ACBD3: variants seen among roughly 807,000 people sequenced by gnomAD.
ACBD3 encodes Golgi resident protein GCP60.
In ACBD3, 30 loss-of-function variants were observed where a neutral mutation model predicts 66.9. That is an observed-to-expected ratio of 0.45 (90% confidence interval 0.34 to 0.61). The LOEUF (loss-of-function observed/expected upper bound fraction) is 0.61, where lower values mean the gene tolerates loss of function less well. Among genes scored for constraint, ACBD3 ranks in the 20% least tolerant of loss-of-function variants. The pLI, the probability that ACBD3 is intolerant of heterozygous loss-of-function variation, is 0.02. For missense variants in ACBD3, 544 were observed against 664.5 expected, an observed-to-expected ratio of 0.82 and a Z score of 1.99; for synonymous variants, 278 against 259.8, an observed-to-expected ratio of 1.07 and a Z score of -0.68.
chr1:226,154,429 C>A (rs1659634194), intron 6 of ACBD3, among the ~76,000 whole-genome samples: 1 of 152,004 alleles, frequency 6.6e-6, no homozygotes, highest in Non-Finnish European at 1.5e-5. Context: ...CAAAACATAA[C>A]TTTTGTCTTA....
At position 226,173,757 on chromosome 1, in the gene ACBD3, CT is replaced by C. The variant is rs145462202; in HGVS notation, c.287-7758del. On this transcript the variant is annotated intron_variant, in intron 1 of 7. Transcript: ENST00000366812. ...TAATTTTCTTCTTTTTTTTTCTTTT[CT>C]TTTTTTTTTTTTTTTTTTTTGAGAC... is the stretch of plus-strand genomic sequence containing the variant. Among the ~76,000 whole-genome samples the C allele has an allele frequency of 2.5e-3, 225 of 88,310 alleles. No homozygotes were observed. The East Asian group carries it at 0.031, about 12-fold the overall frequency. The allele number at this position is 88,310 out of a possible 152,430, so 57.9% of individuals were successfully genotyped here. A position where few individuals can be genotyped will look rare whatever the true frequency, so the allele number is the denominator to read the frequency against.
At chr1:226,161,911 G>C (rs995717855) in intron 3 of ACBD3, among the ~76,000 whole-genome samples, 8 of 152,298 alleles carry the variant, frequency 5.3e-5, no homozygotes, top group Admixed American at 3.3e-4. Context: ...CAACAGAAAT[G>C]TGTCCATCAT....
At chr1:226,149,854 T>C (rs1454924539) in intron 7 of ACBD3, among the ~76,000 whole-genome samples, 1 of 151,914 alleles carries the variant, frequency 6.6e-6, no homozygotes, top group Non-Finnish European at 1.5e-5. Flanking sequence ...ACAAAGCTCT[T>C]TGTAAGTACA....
chr1:226,182,694 C>T (rs1346587449), intron 1 of ACBD3, among the ~76,000 whole-genome samples: 3 of 152,158 alleles, frequency 2.0e-5, no homozygotes, highest in Non-Finnish European at 4.4e-5. Context: ...CATCAAACTG[C>T]TTTCTATTTT....
chr1:226,174,695 G>A (rs1186246107), intron 1 of ACBD3, among the ~76,000 whole-genome samples: 1 of 152,180 alleles, frequency 6.6e-6, no homozygotes, highest in Non-Finnish European at 1.5e-5. Context: ...GAACCCGGGA[G>A]GCAGACGTTG....
intron 1 of ACBD3, among the ~76,000 whole-genome samples, chr1:226,185,916 G>A (rs975036675): frequency 3.3e-5 from 5 of 152,154 alleles, no homozygotes; most frequent in African/African-American, 1.2e-4. Context: ...TCCCAAGAAT[G>A]GCTGGAAAAG....
At chr1:226,148,277 C>A (rs1659497084) in intron 7 of ACBD3, among the ~76,000 whole-genome samples, 1 of 152,192 alleles carries the variant, frequency 6.6e-6, no homozygotes, top group Non-Finnish European at 1.5e-5. Context: ...AAGATGCTAA[C>A]AACAGAGGGA....
At chr1:226,175,268 CAAG>C (rs376446147) in intron 1 of ACBD3, among the ~76,000 whole-genome samples, 110 of 152,038 alleles carry the variant, frequency 7.2e-4, no homozygotes, top group African/African-American at 2.5e-3. Flanking sequence ...ACTCTTTTCA[CAAG>C]AAGATATTAA....
chr1:226,154,440 A>G (rs1233491620), intron 6 of ACBD3, among the ~76,000 whole-genome samples: 3 of 152,162 alleles, frequency 2.0e-5, no homozygotes, highest in African/African-American at 7.2e-5. Flanking sequence ...TTTTGTCTTA[A>G]AAGTGTCCAA....
chr1:226,163,554 T>C (rs979116695), intron 3 of ACBD3, among the ~76,000 whole-genome samples: 5 of 152,166 alleles, frequency 3.3e-5, no homozygotes, highest in African/African-American at 1.2e-4. Flanking sequence ...TCAAGCAATT[T>C]CCTATTATCT....
chr1:226,176,518 C>T (rs1399784357), intron 1 of ACBD3, among the ~76,000 whole-genome samples: 3 of 150,488 alleles, frequency 2.0e-5, no homozygotes, highest in Non-Finnish European at 4.4e-5. Context: ...CAGGACCTAT[C>T]TCTAACCTAC....
In ACBD3 at chr1:226,145,842, AAAC is replaced by A. The variant is rs1392805906; in HGVS notation, c.*765_*767del. On this transcript the variant is annotated 3_prime_UTR_variant, in exon 8 of 8. Transcript: ENST00000366812. ...TGAGATACTCTATGAAGCCAAAACA[AAAC>A]AAAACAAAACAAAAAACCTGTATTT... The A allele has an allele frequency of 6.6e-6, 1 of 152,308 alleles. No homozygotes were observed. The highest frequency in any genetic ancestry group is 2.4e-5 in the African/African-American group (1 of 41,452). The allele number at this position is 152,308 out of a possible 1,614,324, so 9.4% of individuals were successfully genotyped here.
chr1:226,149,135 C>A (rs1659512685), intron 7 of ACBD3, among the ~76,000 whole-genome samples: 5 of 152,292 alleles, frequency 3.3e-5, no homozygotes, highest in African/African-American at 1.2e-4. Context: ...TAGGCAGTAA[C>A]CACCTTTTAG....
chr1:226,146,026 C>G lies in ACBD3; in HGVS notation c.*584G>C, dbSNP rs1659442639. On this transcript the variant is annotated 3_prime_UTR_variant, in exon 8 of 8. Transcript: ENST00000366812. ...TTTAAGATTATCTCAGAAAATAATT[C>G]TCTGTAATATAACTCTGAACTAAAC... The G allele has an allele frequency of 6.6e-6, 1 of 152,590 alleles. No homozygotes were observed. The highest frequency in any genetic ancestry group is 1.5e-5 in the Non-Finnish European group (1 of 68,060). The allele number at this position is 152,590 out of a possible 1,614,324, so 9.5% of individuals were successfully genotyped here. A position where few individuals can be genotyped will look rare whatever the true frequency, so the allele number is the denominator to read the frequency against.
At chr1:226,183,319 G>A (rs1242200006) in intron 1 of ACBD3, among the ~76,000 whole-genome samples, 2 of 152,086 alleles carry the variant, frequency 1.3e-5, no homozygotes, top group Non-Finnish European at 2.9e-5. Flanking sequence ...GGGACTATAG[G>A]CGCCTGCCAC....
chr1:226,178,531 C>T (rs983683153), intron 1 of ACBD3, among the ~76,000 whole-genome samples: 3 of 137,074 alleles, frequency 2.2e-5, no homozygotes, highest in South Asian at 2.3e-4. Flanking sequence ...GCCGAGATTG[C>T]GCCACTGCAC....
intron 1 of ACBD3, among the ~76,000 whole-genome samples, chr1:226,175,648 T>C (rs1656015560): frequency 6.6e-6 from 1 of 152,028 alleles, no homozygotes; most frequent in African/African-American, 2.4e-5. Context: ...CATTAGAATT[T>C]TTTTTTTTTA....
chr1:226,156,076 A>G (rs1659664991), intron 5 of ACBD3, among the ~76,000 whole-genome samples: 1 of 152,236 alleles, frequency 6.6e-6, no homozygotes, highest in Non-Finnish European at 1.5e-5. Flanking sequence ...CAAATGATAA[A>G]TTACACAGCT....
intron 1 of ACBD3, among the ~76,000 whole-genome samples, chr1:226,174,947 T>C (rs1576239996): frequency 6.7e-6 from 1 of 148,742 alleles, no homozygotes; most frequent in Admixed American, 6.7e-5. Flanking sequence ...AAAAAAAAAA[T>C]AGCCCGGCAT....
Sources: gnomAD v4.1 joint callset for allele counts (sites outside exome capture counted in the v4.1 genomes callset) on GRCh38, gnomAD v4.1.1 for gene constraint, MANE v1.5 for transcripts, NCBI Gene and HGNC (gene_info 2026-07-23, HGNC 2026-07-21) for gene names.